REPS2: variants seen among roughly 807,000 people sequenced by gnomAD.
REPS2 encodes ralBP1-associated Eps domain-containing protein 2.
REPS2 carries 23 observed loss-of-function variants against 53.6 expected under a neutral mutation model. The ratio of observed to expected loss-of-function variants is 0.43; its 90% confidence interval spans 0.31 to 0.61. The LOEUF (loss-of-function observed/expected upper bound fraction) is 0.61, where lower values mean the gene tolerates loss of function less well. Among genes scored for constraint, REPS2 ranks in the 20% least tolerant of loss-of-function variants. REPS2 has a pLI of 0.11. For synonymous variants in REPS2, 238 were observed against 218.6 expected, an observed-to-expected ratio of 1.09 and a Z score of -0.78; for missense variants, 446 against 534.9, an observed-to-expected ratio of 0.83 and a Z score of 1.64.
intron 1 of REPS2, among the ~76,000 whole-genome samples, chrX:16,965,338 G>C (rs752179407): frequency 7.0e-4 from 80 of 113,659 alleles, no homozygotes; most frequent in African/African-American, 2.4e-3. Context: ...CTCCCTCCCG[G>C]ACGGGGCGGC....
intron 13 of REPS2, among the ~76,000 whole-genome samples, chrX:17,090,935 C>G (rs1009285984): frequency 3.6e-5 from 4 of 111,960 alleles, no homozygotes; most frequent in Non-Finnish European, 7.5e-5. Flanking sequence ...AAGTTAATCT[C>G]TTCGTATATG....
chrX:17,107,014 C>T (rs904563909), intron 14 of REPS2, among the ~76,000 whole-genome samples: 3 of 111,673 alleles, frequency 2.7e-5, no homozygotes, highest in African/African-American at 9.8e-5. Flanking sequence ...TGATCTTTGA[C>T]AAACCTGACA....
At chrX:17,102,028 TTTATGTTATG>T (rs778594430) in intron 13 of REPS2, among the ~76,000 whole-genome samples, 1,274 of 95,284 alleles carry the variant, frequency 0.013, 14 homozygotes, top group Non-Finnish European at 0.021. Flanking sequence ...TTTATTTTAT[TTTATGTTATG>T]TTATGTTATG....
intron 1 of REPS2, among the ~76,000 whole-genome samples, chrX:16,998,510 T>A (rs1360974899): frequency 2.7e-5 from 3 of 112,156 alleles, no homozygotes; most frequent in Non-Finnish European, 5.6e-5. Context: ...TTTTTCACAC[T>A]TTAGCATGAT....
Position 16,946,790 on chromosome X carries a change from G to A in REPS2, c.-72G>A, listed in dbSNP as rs1334528710. On this transcript the variant is annotated 5_prime_UTR_variant, in exon 1 of 18. Coordinates refer to ENST00000357277, the MANE Select transcript of REPS2 (RefSeq NM_004726.3). ...CGGCGGCGGCAGCTGAGGCCGAGGA[G>A]GCGGTGGCTGTGGCGGACGCAGCAG... 23 of 761,298 alleles carry A rather than the reference G, an allele frequency of 3.0e-5. No homozygotes were observed. Among genetic ancestry groups the A allele is most frequent in the Non-Finnish European group, 3.4e-5 (22 of 646,998 alleles). The allele number at this position is 761,298 out of a possible 1,213,427, so 62.7% of individuals were successfully genotyped here. A position where few individuals can be genotyped will look rare whatever the true frequency, so the allele number is the denominator to read the frequency against.
At chrX:17,099,929 C>A in intron 13 of REPS2, 1 of 1,127,406 alleles carries the variant, frequency 8.9e-7, no homozygotes. Flanking sequence ...GGAACATGAG[C>A]TCTCCACTGG....
rs547483010 is a variant in REPS2 at position 17,101,056 on chromosome X, CT to C, written c.1517-2647del. 6.5e-3 allele frequency among the ~76,000 whole-genome samples: 628 copies of C among 96,424 alleles called. 3 individuals carry two copies. The highest frequency in any genetic ancestry group is 0.017 in the African/African-American group (457 of 26,609). The allele number at this position is 96,424 out of a possible 115,157, so 83.7% of individuals were successfully genotyped here. On this transcript the variant is annotated intron_variant, in intron 13 of 17. Transcript: ENST00000357277. ...TTTTTTTTTCTTTTTCTTTTTCTTT[CT>C]TTTTTTTTTTTTTTGAGATGGAGTC... is the stretch of plus-strand genomic sequence containing the variant.
chrX:17,070,654 G>GAAAA (rs1181542946), intron 11 of REPS2, among the ~76,000 whole-genome samples: 1 of 111,867 alleles, frequency 8.9e-6, no homozygotes, highest in Non-Finnish European at 1.9e-5. Flanking sequence ...ATAAGGACAT[G>GAAAA]AAAAAAGTTG....
chrX:17,095,888 G>T (rs970642534), intron 13 of REPS2, among the ~76,000 whole-genome samples: 2 of 111,578 alleles, frequency 1.8e-5, no homozygotes, highest in African/African-American at 3.3e-5. Context: ...GTACAAATTT[G>T]TTACTCCCTG....
intron 13 of REPS2, chrX:17,099,944 T>G: frequency 5.2e-6 from 6 of 1,146,566 alleles, no homozygotes; most frequent in Non-Finnish European, 7.2e-6. Flanking sequence ...CACTGGAGTC[T>G]GTAGCTCCAA....
intron 1 of REPS2, among the ~76,000 whole-genome samples, chrX:16,963,853 A>T (rs2060697185): frequency 9.0e-6 from 1 of 111,022 alleles, no homozygotes; most frequent in South Asian, 3.8e-4. Context: ...CTGTTAATCA[A>T]ATCCGAATTT....
At chrX:17,024,607 A>T (rs2061619079) in intron 3 of REPS2, among the ~76,000 whole-genome samples, 1 of 110,099 alleles carries the variant, frequency 9.1e-6, no homozygotes, top group Admixed American at 9.7e-5. Context: ...AAGCTCCAAG[A>T]ATATTAAGTA....
chrX:16,985,173 A>G (rs1341545127), intron 1 of REPS2, among the ~76,000 whole-genome samples: 1 of 111,760 alleles, frequency 8.9e-6, no homozygotes, highest in Non-Finnish European at 1.9e-5. Flanking sequence ...TTAACAGGAA[A>G]TCTTCCTGAA....
Position 17,029,754 on chromosome X carries a change from A to G in REPS2, c.771+131A>G, listed in dbSNP as rs937086805. The G allele has an allele frequency of 1.5e-4, 68 of 449,492 alleles. No homozygotes were observed. In the African/African-American group the frequency reaches 1.6e-3, roughly 10 times the overall value. 37.0% of individuals were successfully genotyped at this position (449,492 alleles called of 1,213,427 possible). A position where few individuals can be genotyped will look rare whatever the true frequency, so the allele number is the denominator to read the frequency against. ...AACTGATCCTTCATGCAAATATTGC[A>G]TGTCTTGTTTGGTTGCTTGTATAAA... On this transcript the variant is annotated intron_variant, in intron 5 of 17. Coordinates refer to ENST00000357277, the MANE Select transcript of REPS2 (RefSeq NM_004726.3).
At chrX:16,959,476 C>CAACAGTGGAG in intron 1 of REPS2, among the ~76,000 whole-genome samples, 1 of 111,864 alleles carries the variant, frequency 8.9e-6, no homozygotes, top group Non-Finnish European at 1.9e-5. Context: ...GGGAAACATA[C>CAACAGTGGAG]AACAGTGGAG....
At chrX:17,099,618 C>G in intron 13 of REPS2, among the ~76,000 whole-genome samples, 1 of 111,463 alleles carries the variant, frequency 9.0e-6, no homozygotes, top group Non-Finnish European at 1.9e-5. Flanking sequence ...CTTGGAATGG[C>G]TTTAAAACAC....
At chrX:17,097,469 A>G (rs145799839) in intron 13 of REPS2, among the ~76,000 whole-genome samples, 1 of 112,209 alleles carries the variant, frequency 8.9e-6, no homozygotes, top group Non-Finnish European at 1.9e-5. Context: ...GAAAAAATTT[A>G]TAACCCTAAA....
At chrX:17,069,910 CT>C in intron 10 of REPS2, 29 bp from the exon 11 acceptor site, 1 of 980,515 alleles carries the variant, frequency 1.0e-6, no homozygotes, top group Non-Finnish European at 1.4e-6. Context: ...TTTTCTCTTT[CT>C]TTTTGCTTAA....
intron 17 of REPS2, among the ~76,000 whole-genome samples, chrX:17,140,564 TTTATCC>T (rs2148161476): frequency 9.0e-6 from 1 of 110,663 alleles, no homozygotes; most frequent in South Asian, 3.8e-4. Context: ...TATCTACCCA[TTTATCC>T]TTGTGTCCAT....
Sources: allele counts gnomAD v4.1 joint callset (sites outside exome capture counted in the v4.1 genomes callset), GRCh38; gene constraint gnomAD v4.1.1; transcripts MANE v1.5; gene names NCBI Gene and HGNC (gene_info 2026-07-23, HGNC 2026-07-21).